The following CLDN12 variants were observed in gnomAD, a reference collection of about 807,000 sequenced individuals.
CLDN12 encodes the protein claudin-12.
Under a neutral mutation model 15.5 loss-of-function variants are expected in CLDN12, and 9 were observed. The ratio of observed to expected loss-of-function variants is 0.58; its 90% CI spans 0.35 to 1.02. The LOEUF (loss-of-function observed/expected upper bound fraction) is 1.02, where lower values mean the gene tolerates loss of function less well. Among genes scored for constraint, CLDN12 ranks in the 50% least tolerant of loss-of-function variants. The probability of loss-of-function intolerance (pLI) is 0.02; values close to 1 mark genes in which losing one functional copy is unlikely to be tolerated. For missense variants in CLDN12, 233 were observed against 297.3 expected (o/e 0.78, Z 1.59); for synonymous variants, 140 against 121.6 (o/e 1.15, Z -1.00).
chr7:90,412,308 G>T (rs770060664), intron 3 of CLDN12: 1 of 208,990 alleles, frequency 4.8e-6, no homozygotes, highest in Non-Finnish European at 9.6e-6. Context: ...TTGAAAGAAC[G>T]ATTATTGACA....
At chr7:90,407,847 G>T (rs1336818068) in intron 2 of CLDN12, among the ~76,000 whole-genome samples, 1 of 152,218 alleles carries the variant, frequency 6.6e-6, no homozygotes, top group East Asian at 1.9e-4. Flanking sequence ...AACCAAATCA[G>T]AAAGTGGAAA....
chr7:90,411,554 G>C (rs543752456), intron 2 of CLDN12, among the ~76,000 whole-genome samples: 3 of 152,066 alleles, frequency 2.0e-5, no homozygotes, highest in African/African-American at 7.2e-5. Context: ...GTTTGCATTC[G>C]TCTTATATGA....
chr7:90,405,139 G>A (rs1217390256), intron 1 of CLDN12, among the ~76,000 whole-genome samples: 3 of 152,068 alleles, frequency 2.0e-5, no homozygotes, highest in Non-Finnish European at 2.9e-5. Flanking sequence ...CTCAGCTCAC[G>A]GTAACCTCCA....
intron 2 of CLDN12, among the ~76,000 whole-genome samples, chr7:90,406,326 A>T (rs535541134): frequency 5.9e-5 from 9 of 152,300 alleles, no homozygotes; most frequent in Admixed American, 2.0e-4. Flanking sequence ...CTCTGATAAC[A>T]TTTAATTGTG....
chr7:90,414,147 C>G lies in CLDN12; in HGVS notation c.*736C>G. ...AGTGTTTCCTCTGAGGCAGAAAACTCTTTTTTGGAGATATCTTCCATCAAG... is the reference window on the plus strand; with the variant it reads ...AGTGTTTCCTCTGAGGCAGAAAACTGTTTTTTGGAGATATCTTCCATCAAG... On this transcript the variant is annotated 3_prime_UTR_variant, in exon 4 of 4. Coordinates refer to ENST00000496677, the MANE Select transcript of CLDN12 (RefSeq NM_001185072.3). 1 of 1,000,096 alleles carries G rather than the reference C, an allele frequency of 1.0e-6. No homozygotes were observed. Among genetic ancestry groups the G allele is most frequent in the Non-Finnish European group, 1.2e-6 (1 of 829,992 alleles). 62.0% of individuals were successfully genotyped at this position (1,000,096 alleles called of 1,614,324 possible). A position where few individuals can be genotyped will look rare whatever the true frequency, so the allele number is the denominator to read the frequency against.
rs10248197 is a variant in CLDN12 at position 90,406,602 on chromosome 7, G to C, written c.-77+994G>C. 6.1e-4 allele frequency among the ~76,000 whole-genome samples: 93 copies of C among 152,282 alleles called. 1 individual carries two copies. The highest frequency in any genetic ancestry group is 2.2e-3 in the African/African-American group (93 of 41,560). On this transcript the variant is annotated intron_variant, in intron 2 of 3. Transcript: ENST00000496677. ...TTCTGACCATATTCTGGTTTACAAA[G>C]GACTTTGCTATTCATGATTTTACTA...
In CLDN12 at chr7:90,412,968, A is replaced by G. The variant is rs76988207; in HGVS notation, c.292A>G (p.Met98Val). The change falls in exon 4 of 4, where the codon ATG becomes GTG. Residue 98 changes from methionine (M) to valine (V), a missense_variant. Met to Val is a conservative substitution (Grantham distance 21). Coordinates refer to ENST00000496677, the MANE Select transcript of CLDN12 (RefSeq NM_001185072.3). ...CCTACCCCTCAGCATGCTGATCGCCATGGGTGCCCTGCTGCTCTGCCTGAT... is the reference window on the plus strand; with the variant it reads ...CCTACCCCTCAGCATGCTGATCGCCGTGGGTGCCCTGCTGCTCTGCCTGAT... ...FALPLSMLIA[M>V]GALLLCLIGM... The G allele has an allele frequency of 3.2e-3, 5,091 of 1,614,086 alleles. 27 individuals carry two copies. Among genetic ancestry groups the G allele is most frequent in the Non-Finnish European group, 3.5e-3 (4,182 of 1,180,010 alleles).
rs1447132010 is a variant in CLDN12 at position 90,413,591 on chromosome 7, G to A, written c.*180G>A. On this transcript the variant is annotated 3_prime_UTR_variant, in exon 4 of 4. Coordinates refer to ENST00000496677, the MANE Select transcript of CLDN12 (RefSeq NM_001185072.3). Reference sequence around the variant, plus strand: ...TTATGAGAAGTATATTATATTAAATGTGAATTTTTTAAATTTTGCTTCTTA... The same window carrying A: ...TTATGAGAAGTATATTATATTAAATATGAATTTTTTAAATTTTGCTTCTTA... 3.7e-6 allele frequency: 5 copies of A among 1,355,558 alleles called. No individual in the cohort carries two copies. The African/African-American group carries it at 7.4e-5, about 20-fold the overall frequency. 84.0% of individuals were successfully genotyped at this position (1,355,558 alleles called of 1,614,324 possible).
rs1378691088 is a variant in CLDN12, at chr7:90,413,583, T to A, written c.*172T>A. The A allele has an allele frequency of 7.3e-7, 1 of 1,369,676 alleles. No individual in the cohort carries two copies. Among genetic ancestry groups the A allele is most frequent in the African/African-American group, 1.5e-5 (1 of 67,852 alleles). 84.8% of individuals were successfully genotyped at this position (1,369,676 alleles called of 1,614,324 possible). A position where few individuals can be genotyped will look rare whatever the true frequency, so the allele number is the denominator to read the frequency against. The stretch of plus-strand genomic sequence containing the variant: ...GCTAGTTTTTATGAGAAGTATATTA[T>A]ATTAAATGTGAATTTTTTAAATTTT... On this transcript the variant is annotated 3_prime_UTR_variant, in exon 4 of 4. Transcript: ENST00000496677.
At chr7:90,410,709 G>T (rs1198701013) in intron 2 of CLDN12, among the ~76,000 whole-genome samples, 1 of 151,982 alleles carries the variant, frequency 6.6e-6, no homozygotes, top group Non-Finnish European at 1.5e-5. Context: ...AGAATTGTGG[G>T]GGTGGAAGGA....
intron 2 of CLDN12, among the ~76,000 whole-genome samples, chr7:90,411,307 T>C (rs1796956699): frequency 6.6e-6 from 1 of 152,192 alleles, no homozygotes; most frequent in African/African-American, 2.4e-5. Context: ...CTTACTGAAG[T>C]AGTCTGCTCT....
At position 90,412,890 on chromosome 7, in the gene CLDN12, A is replaced by G; in HGVS notation, c.214A>G (p.Thr72Ala). ...DGSSDCLMYD[T>A]TWYSSVDQLD... ...GAGCAGTGACTGCCTGATGTACGAC[A>G]CTACTTGGTACTCATCAGTTGACCA... Residue 72 changes from threonine (T) to alanine (A), a missense_variant, in exon 4 of 4, where the codon ACT becomes GCT. Coordinates refer to ENST00000496677, the MANE Select transcript of CLDN12 (RefSeq NM_001185072.3). The G allele has an allele frequency of 6.2e-7, 1 of 1,614,184 alleles. No individual in the cohort carries two copies. The highest frequency in any genetic ancestry group is 8.5e-7 in the Non-Finnish European group (1 of 1,180,036).
chr7:90,407,987 T>C (rs1796876631), intron 2 of CLDN12, among the ~76,000 whole-genome samples: 1 of 152,164 alleles, frequency 6.6e-6, no homozygotes, highest in South Asian at 2.1e-4. Flanking sequence ...GAGTTGAAAC[T>C]TTAGAGATTT....
Position 90,412,995 on chromosome 7 carries a change from G to A in CLDN12, c.319G>A (p.Gly107Arg). The A allele has an allele frequency of 1.2e-6, 2 of 1,614,168 alleles. No homozygotes were observed. The highest frequency in any genetic ancestry group is 8.5e-7 in the Non-Finnish European group (1 of 1,180,032). Residue 107 changes from glycine (G) to arginine (R), a missense_variant, in exon 4 of 4, where the codon GGA (glycine) becomes AGA (arginine). Gly to Arg is a moderately radical substitution (Grantham distance 125, BLOSUM62 -2). Coordinates refer to ENST00000496677, the MANE Select transcript of CLDN12 (RefSeq NM_001185072.3). ...GGGTGCCCTGCTGCTCTGCCTGATTGGAATGTGCAACACTGCCTTCAGGTC... is the reference window on the plus strand; with the variant it reads ...GGGTGCCCTGCTGCTCTGCCTGATTAGAATGTGCAACACTGCCTTCAGGTC... ...AMGALLLCLIGMCNTAFRSSV... is the reference protein window; with the variant it reads ...AMGALLLCLIRMCNTAFRSSV...
rs914599269 is a variant in CLDN12 at position 90,412,660 on chromosome 7, C to T, written c.-17C>T. On this transcript the variant is annotated 5_prime_UTR_variant, in exon 4 of 4. Transcript: ENST00000496677. Reference sequence around the variant, plus strand: ...ACCCCCTAGTCTGACTGACAGTACTCCACAAGCTTGCCTGCCATGGGCTGT... The same window carrying T: ...ACCCCCTAGTCTGACTGACAGTACTTCACAAGCTTGCCTGCCATGGGCTGT... 12 of 1,602,626 alleles carry T rather than the reference C, an allele frequency of 7.5e-6. No homozygotes were observed. Among genetic ancestry groups the T allele is most frequent in the Middle Eastern group, 1.9e-4 (1 of 5,398 alleles).
chr7:90,408,982 A>G (rs1417593307), intron 2 of CLDN12: 1 of 151,840 alleles, frequency 6.6e-6, no homozygotes, highest in African/African-American at 2.4e-5. Flanking sequence ...ATCTGGTCTC[A>G]AACTCCTGGG....
At chr7:90,407,882 G>A (rs1796873919) in intron 2 of CLDN12, among the ~76,000 whole-genome samples, 1 of 152,196 alleles carries the variant, frequency 6.6e-6, no homozygotes, top group South Asian at 2.1e-4. Context: ...AAGAAATGTG[G>A]TTTGGCTGCA....
At position 90,414,464 on chromosome 7, in the gene CLDN12, A is replaced by G. The variant is rs575067068; in HGVS notation, c.*1053A>G. 2 of 875,870 alleles carry G rather than the reference A, an allele frequency of 2.3e-6. No individual in the cohort carries two copies. Among genetic ancestry groups the G allele is most frequent in the Admixed American group, 6.2e-5 (1 of 16,144 alleles). 54.3% of individuals were successfully genotyped at this position (875,870 alleles called of 1,614,324 possible). Reference sequence around the variant, plus strand: ...CTTTAGTAGGTGCTATAGAGGATACATGAAAAGTATGAGATCTGGTTCCAT... The same window carrying G: ...CTTTAGTAGGTGCTATAGAGGATACGTGAAAAGTATGAGATCTGGTTCCAT... On this transcript the variant is annotated 3_prime_UTR_variant, in exon 4 of 4. Transcript: ENST00000496677.
At chr7:90,405,641 C>G (rs1796820400) in intron 2 of CLDN12, 33 bp downstream of exon 2, 1 of 152,158 alleles carries the variant, frequency 6.6e-6, no homozygotes, top group African/African-American at 2.4e-5. Flanking sequence ...TCTTATTTCC[C>G]TCCCTCCTGC....
Sources: gnomAD v4.1 joint callset for allele counts (sites outside exome capture counted in the v4.1 genomes callset) on GRCh38, gnomAD v4.1.1 for gene constraint, MANE v1.5 for transcripts, NCBI Gene and HGNC (gene_info 2026-07-23, HGNC 2026-07-21) for gene names.